Variants in EML4 observed in about 807,000 individuals in gnomAD.
EML4 encodes the protein EMAP like 4, also known as echinoderm microtubule-associated protein-like 4.
A neutral mutation model predicts 129.0 loss-of-function variants in EML4; 72 were observed. That is an observed-to-expected ratio of 0.56 (90% CI 0.46 to 0.68). The LOEUF (loss-of-function observed/expected upper bound fraction) is 0.68, where lower values mean the gene tolerates loss of function less well. Among genes scored for constraint, EML4 ranks in the 30% least tolerant of loss-of-function variants. EML4 has a pLI of 0.00. For missense variants in EML4, 1,363 were observed against 1,190.6 expected, an observed-to-expected ratio of 1.14 and a Z score of -2.13; for synonymous variants, 532 against 405.0, an observed-to-expected ratio of 1.31 and a Z score of -3.77.
chr2:42,211,606 G>A (rs183250579), intron 1 of EML4, among the ~76,000 whole-genome samples: 1 of 152,290 alleles, frequency 6.6e-6, no homozygotes, highest in African/African-American at 2.4e-5. Context: ...TTTTAAACCT[G>A]CAGATAAAAT....
chr2:42,255,499 G>T (rs189834773), intron 2 of EML4, among the ~76,000 whole-genome samples: 117 of 152,220 alleles, frequency 7.7e-4, no homozygotes, highest in African/African-American at 2.6e-3. Context: ...TTTTTAAATG[G>T]TTAAAATGAT....
intron 6 of EML4, among the ~76,000 whole-genome samples, chr2:42,274,954 A>T (rs1419961378): frequency 2.0e-5 from 3 of 152,084 alleles, no homozygotes; most frequent in African/African-American, 7.2e-5. Context: ...CTTCTACTGT[A>T]CTCCCTGATT....
chr2:42,247,902 A>G (rs1315858531), intron 2 of EML4, among the ~76,000 whole-genome samples: 3 of 152,168 alleles, frequency 2.0e-5, no homozygotes, highest in African/African-American at 4.8e-5. Flanking sequence ...ACCCGAGGGT[A>G]CATATAAGTA....
At chr2:42,221,141 A>C (rs1209718611) in intron 1 of EML4, among the ~76,000 whole-genome samples, 1 of 152,148 alleles carries the variant, frequency 6.6e-6, no homozygotes, top group Non-Finnish European at 1.5e-5. Context: ...ACAGATTATC[A>C]GTGTAGACAA....
chr2:42,200,085 A>G (rs955382119), intron 1 of EML4, among the ~76,000 whole-genome samples: 1 of 151,280 alleles, frequency 6.6e-6, no homozygotes, highest in Admixed American at 6.6e-5. Flanking sequence ...CAAGGCGGGC[A>G]GATCGCGAAG....
At position 42,303,417 on chromosome 2, in the gene EML4, C is replaced by T; in HGVS notation, c.1870C>T (p.His624Tyr). 6.2e-7 allele frequency: 1 copy of T among 1,614,068 alleles called. No individual in the cohort carries two copies. The highest frequency in any genetic ancestry group is 8.5e-7 in the Non-Finnish European group (1 of 1,180,004). ...RQVCLWNSME[H>Y]RLEWTRLVDE... ...GGTGTGCCTGTGGAACTCAATGGAA[C>T]ACAGGCTGGAATGGACCAGGCTGGT... The change falls in exon 16 of 23, where the codon CAC (histidine) becomes TAC (tyrosine). Residue 624 changes from histidine to tyrosine, a missense_variant. By Grantham distance (83) the His-to-Tyr change is moderately conservative. Coordinates refer to ENST00000318522, the MANE Select transcript of EML4 (RefSeq NM_019063.5).
At chr2:42,304,685 T>C in intron 17 of EML4, 134 bp downstream of exon 17, 1 of 699,688 alleles carries the variant, frequency 1.4e-6, no homozygotes. Context: ...TTATCCGTTT[T>C]GTATATTCAT....
rs1231420821 is a variant in EML4, at chr2:42,282,971, T to C, written c.940T>C (p.Cys314Arg). ...CCTGGGCCATACAGACTGTGTGAAA[T>C]GGTTGGTATCATTTAACATTGGTTC... ...HYLGHTDCVK[C>R]LAIHPDKIRI... is the part of the protein sequence containing the mutation. The change falls in exon 8 of 23, where the codon TGC (cysteine) becomes CGC (arginine). Residue 314 changes from cysteine (C) to arginine (R), a missense_variant and splice_region_variant. Transcript: ENST00000318522. 1.2e-6 allele frequency: 2 copies of C among 1,601,626 alleles called. No individual in the cohort carries two copies. Among genetic ancestry groups the C allele is most frequent in the Non-Finnish European group, 1.7e-6 (2 of 1,176,310 alleles).
chr2:42,192,794 C>T (rs1159524698), intron 1 of EML4, among the ~76,000 whole-genome samples: 2 of 152,194 alleles, frequency 1.3e-5, no homozygotes, highest in Non-Finnish European at 2.9e-5. Flanking sequence ...TTCTCTGAGT[C>T]TTCAGAGCAA....
Position 42,169,595 on chromosome 2 carries a change from G to C in EML4, c.-17G>C, listed in dbSNP as rs372780901. The C allele has an allele frequency of 1.9e-6, 3 of 1,598,836 alleles. No individual in the cohort carries two copies. Among genetic ancestry groups the C allele is most frequent in the Non-Finnish European group, 2.6e-6 (3 of 1,174,268 alleles). On this transcript the variant is annotated 5_prime_UTR_variant, in exon 1 of 23. Coordinates refer to ENST00000318522, the MANE Select transcript of EML4 (RefSeq NM_019063.5). ...GCCCGCCCCTCTAAGCCCGGAGCCC[G>C]GCGCTTTCCCCGCAAGATGGACGGT...
At chr2:42,273,484 C>T (rs1203272095) in intron 6 of EML4, among the ~76,000 whole-genome samples, 1 of 152,082 alleles carries the variant, frequency 6.6e-6, no homozygotes, top group African/African-American at 2.4e-5. Flanking sequence ...TGTAAGTTGG[C>T]TTGCTAGTGT....
At chr2:42,329,265 C>T (rs1009664653) in intron 22 of EML4, among the ~76,000 whole-genome samples, 1 of 152,064 alleles carries the variant, frequency 6.6e-6, no homozygotes, top group South Asian at 2.1e-4. Flanking sequence ...TGTCCGGTTG[C>T]TTTTTATTTT....
intron 1 of EML4, among the ~76,000 whole-genome samples, chr2:42,237,852 A>G (rs902103492): frequency 6.6e-6 from 1 of 152,180 alleles, no homozygotes; most frequent in Non-Finnish European, 1.5e-5. Context: ...GAGTAGGTTG[A>G]GGAGGAAGAG....
intron 1 of EML4, among the ~76,000 whole-genome samples, chr2:42,194,927 A>AT (rs1490221801): frequency 6.6e-6 from 1 of 152,058 alleles, no homozygotes; most frequent in African/African-American, 2.4e-5. Flanking sequence ...TTAAAAGTTA[A>AT]TTTTTTTCTT....
At position 42,280,868 on chromosome 2, in the gene EML4, T is replaced by A; in HGVS notation, c.686T>A (p.Met229Lys). The change falls in exon 7 of 23, where the codon ATG (methionine) becomes AAG (lysine). Residue 229 changes from methionine (M) to lysine (K), a missense_variant. Transcript: ENST00000318522. ...IINQEGEYIK[M>K]FMRGRPITMF... ...TCAACAGAAGGAGAATATATTAAAA[T>A]GTTTATGCGCGGTCGGCCAATTACC... 1 of 1,610,372 alleles carries A rather than the reference T, an allele frequency of 6.2e-7. No homozygotes were observed. Among genetic ancestry groups the A allele is most frequent in the Non-Finnish European group, 8.5e-7 (1 of 1,178,586 alleles).
Position 42,295,482 on chromosome 2 carries a change from T to C in EML4, c.1455T>C (p.Thr485=). 6.2e-7 allele frequency: 1 copy of C among 1,613,922 alleles called. No homozygotes were observed. The highest frequency in any genetic ancestry group is 2.2e-5 in the East Asian group (1 of 44,846). ...GAGTCATGCTTATATGGAGCAAAAC[T>C]ACTGTAGAGCCCACACCTGGGAAAG... ...SGGVMLIWSK[T]TVEPTPGKGP... is the part of the protein sequence containing the mutation. The change falls in exon 13 of 23, where the codon ACT becomes ACC. Residue 485 remains threonine (T), a synonymous_variant. Transcript: ENST00000318522.
chr2:42,295,836 C>G (rs1667916585), intron 13 of EML4, among the ~76,000 whole-genome samples: 1 of 152,146 alleles, frequency 6.6e-6, no homozygotes, highest in Non-Finnish European at 1.5e-5. Context: ...TCTGGGATAT[C>G]TGTTAGAGCA....
At chr2:42,264,260 G>C (rs544055822) in intron 5 of EML4, among the ~76,000 whole-genome samples, 1 of 151,700 alleles carries the variant, frequency 6.6e-6, no homozygotes, top group Non-Finnish European at 1.5e-5. Flanking sequence ...GACTACAGAC[G>C]CGTGCCACCA....
chr2:42,330,307 G>T lies in EML4; in HGVS notation c.*100G>T. The T allele has an allele frequency of 9.0e-7, 1 of 1,112,426 alleles. No homozygotes were observed. The highest frequency in any genetic ancestry group is 1.3e-6 in the Non-Finnish European group (1 of 747,210). The allele number at this position is 1,112,426 out of a possible 1,614,324, so 68.9% of individuals were successfully genotyped here. ...CAGTGATGGAGAATCACTGTTGATT[G>T]AGATTTTGGTTTCCATGTGATTTGT... On this transcript the variant is annotated 3_prime_UTR_variant, in exon 23 of 23. Transcript: ENST00000318522.
Sources: allele counts gnomAD v4.1 joint callset (sites outside exome capture counted in the v4.1 genomes callset), GRCh38; gene constraint gnomAD v4.1.1; transcripts MANE v1.5; gene names NCBI Gene and HGNC (gene_info 2026-07-23, HGNC 2026-07-21).